C2CD3: variants seen among roughly 807,000 people sequenced by gnomAD.
C2CD3 encodes the protein C2 domain containing 3 centriole elongation regulator.
Under a neutral mutation model 234.0 loss-of-function variants are expected in C2CD3, and 148 were observed. The observed-to-expected ratio is 0.63, with a 90% CI of 0.55 to 0.72. The LOEUF (loss-of-function observed/expected upper bound fraction) is 0.72, where lower values mean the gene tolerates loss of function less well. Ranked by LOEUF, C2CD3 falls within the 30% of genes least tolerant of loss-of-function variation. The pLI, the probability that C2CD3 is intolerant of heterozygous loss-of-function variation, is 0.00. For missense variants in C2CD3, 2,577 were observed against 2,811.5 expected (o/e 0.92, Z 1.89); for synonymous variants, 1,000 against 1,035.4 (o/e 0.97, Z 0.66).
At position 74,114,009 on chromosome 11, in the gene C2CD3, T is replaced by C. The variant is rs138557559; in HGVS notation, c.1731-117A>G. The stretch of plus-strand genomic sequence containing the variant: ...CAGGACCTCTAGTACTCAGAGGCCC[T>C]ACCTCTTCTTCAAAGCCTTCCACCA... On this transcript the variant is annotated intron_variant, in intron 10 of 32. Coordinates refer to ENST00000334126, the MANE Select transcript of C2CD3 (RefSeq NM_001286577.2). The C allele has an allele frequency of 7.0e-4, 442 of 633,142 alleles. 1 individual carries two copies. The highest frequency in any genetic ancestry group is 6.8e-3 in the African/African-American group (369 of 54,534). The allele number at this position is 633,142 out of a possible 1,614,324, so 39.2% of individuals were successfully genotyped here.
chr11:74,136,716 T>G lies in C2CD3; in HGVS notation c.955+2004A>C, dbSNP rs562208376. ...TCTCTTGCTGCTCCTTTTACCAGTCTGGTTACTTTCCTTAGAAGGAACACA... is the reference window on the plus strand; with the variant it reads ...TCTCTTGCTGCTCCTTTTACCAGTCGGGTTACTTTCCTTAGAAGGAACACA... On this transcript the variant is annotated intron_variant, in intron 5 of 32. Transcript: ENST00000334126. Among the ~76,000 whole-genome samples the G allele has an allele frequency of 3.3e-5, 5 of 152,274 alleles. No individual in the cohort carries two copies. In the East Asian group the frequency reaches 9.6e-4, roughly 29 times the overall value.
At position 74,129,173 on chromosome 11, in the gene C2CD3, A is replaced by G. The variant is rs1219830873; in HGVS notation, c.1217+3671T>C. ...GGACGGGGCGGCTGGCCGGGCGGGG[A>G]GCTGACCCCTCACCTCCCTCCGGGA... is the stretch of plus-strand genomic sequence containing the variant. On this transcript the variant is annotated intron_variant, in intron 7 of 32. Coordinates refer to ENST00000334126, the MANE Select transcript of C2CD3 (RefSeq NM_001286577.2). 2.9e-4 allele frequency: 48 copies of G among 163,942 alleles called. No individual in the cohort carries two copies. The South Asian group carries it at 4.2e-3, about 14-fold the overall frequency. 10.2% of individuals were successfully genotyped at this position (163,942 alleles called of 1,614,324 possible).
chr11:74,041,771 GTTA>G (rs1393906902), intron 29 of C2CD3, among the ~76,000 whole-genome samples: 1 of 152,162 alleles, frequency 6.6e-6, no homozygotes, highest in African/African-American at 2.4e-5. Context: ...TGTGAGGCTG[GTTA>G]TTATTAAGTT....
At chr11:74,042,490 C>T (rs1342223089) in intron 28 of C2CD3, among the ~76,000 whole-genome samples, 2 of 152,244 alleles carry the variant, frequency 1.3e-5, no homozygotes, top group East Asian at 1.9e-4. Flanking sequence ...TGGTGACTCA[C>T]GCCTGTAATC....
chr11:74,032,707 T>TA (rs1765745162), intron 31 of C2CD3, among the ~76,000 whole-genome samples: 2 of 151,868 alleles, frequency 1.3e-5, no homozygotes, highest in South Asian at 4.2e-4. Context: ...CCCCAACTCT[T>TA]AAAAAAAATT....
intron 29 of C2CD3, among the ~76,000 whole-genome samples, chr11:74,039,297 T>C (rs1952898840): frequency 6.6e-6 from 1 of 152,250 alleles, no homozygotes; most frequent in East Asian, 1.9e-4. Flanking sequence ...ATACTTGCTC[T>C]GCAGGCCTGA....
chr11:74,150,492 CAAAAAAAAA>C (rs769668218), intron 3 of C2CD3, among the ~76,000 whole-genome samples: 275 of 16,240 alleles, frequency 0.017, 14 homozygotes, highest in African/African-American at 0.068. Flanking sequence ...GACCCTGTCT[CAAAAAAAAA>C]AAAAAAAAAA....
chr11:74,018,597 T>C (rs940478643), intron 32 of C2CD3, among the ~76,000 whole-genome samples: 1 of 152,170 alleles, frequency 6.6e-6, no homozygotes, highest in African/African-American at 2.4e-5. Flanking sequence ...GGGCTCAATA[T>C]AGCTGCCTGC....
chr11:74,045,812 A>G (rs1360310724), intron 28 of C2CD3, among the ~76,000 whole-genome samples: 1 of 152,134 alleles, frequency 6.6e-6, no homozygotes, highest in Admixed American at 6.5e-5. Flanking sequence ...AGCTCAAGCA[A>G]TCCTCTCACC....
chr11:74,047,678 GA>G (rs771234952), intron 28 of C2CD3, among the ~76,000 whole-genome samples: 1 of 152,204 alleles, frequency 6.6e-6, no homozygotes, highest in Non-Finnish European at 1.5e-5. Flanking sequence ...AAAGACATAG[GA>G]AAGACTCTGG....
chr11:74,165,242 T>C (rs540816463), intron 2 of C2CD3, among the ~76,000 whole-genome samples: 1 of 152,236 alleles, frequency 6.6e-6, no homozygotes, highest in African/African-American at 2.4e-5. Context: ...TCTTACTACC[T>C]CTCTCCAGCC....
intron 7 of C2CD3, chr11:74,129,699 G>T (rs1414429078): frequency 4.6e-5 from 8 of 172,522 alleles, no homozygotes; most frequent in Non-Finnish European, 4.8e-5. Context: ...CTGCAATCTC[G>T]GCACTTTGGG....
chr11:74,045,836 G>C (rs1197739274), intron 28 of C2CD3, among the ~76,000 whole-genome samples: 1 of 152,166 alleles, frequency 6.6e-6, no homozygotes, highest in Admixed American at 6.5e-5. Flanking sequence ...GTCTCCCAAA[G>C]TGCTGGAATT....
At position 74,085,815 on chromosome 11, in the gene C2CD3, T is replaced by C; in HGVS notation, c.3713A>G (p.His1238Arg). Residue 1238 changes from histidine to arginine, a missense_variant, in exon 21 of 33, where the codon CAT becomes CGT. His to Arg is a conservative substitution (Grantham distance 29, BLOSUM62 0). Coordinates refer to ENST00000334126, the MANE Select transcript of C2CD3 (RefSeq NM_001286577.2). ...TVGVNASVTTHLSFLPQGEQR... is the reference protein window; with the variant it reads ...TVGVNASVTTRLSFLPQGEQR... ...TTCTCCCTGGGGCAGGAAGGAGAGA[T>C]GAGTGGTGACAGAGGCATTGACCCC... 6.2e-7 allele frequency: 1 copy of C among 1,613,746 alleles called. No homozygotes were observed. Among genetic ancestry groups the C allele is most frequent in the Non-Finnish European group, 8.5e-7 (1 of 1,179,914 alleles).
intron 11 of C2CD3, among the ~76,000 whole-genome samples, chr11:74,111,969 C>T (rs375661773): frequency 6.3e-4 from 53 of 84,468 alleles, no homozygotes; most frequent in African/African-American, 7.4e-4. Context: ...CACACACACA[C>T]ATATATATAT....
chr11:74,048,312 G>A lies in C2CD3; in HGVS notation c.5388C>T (p.Phe1796=). The A allele has an allele frequency of 2.5e-6, 4 of 1,613,692 alleles. No homozygotes were observed. The East Asian group carries it at 6.7e-5, about 27-fold the overall frequency. ...ATGCAGCATACGTATCAGAGGCAGGGAAGGAAAAGGGACTGTATATTGGGA... is the reference window on the plus strand; with the variant it reads ...ATGCAGCATACGTATCAGAGGCAGGAAAGGAAAAGGGACTGTATATTGGGA... The part of the protein sequence containing the change: ...SLIPIYSPFS[F]PASDTYAAFS... Residue 1796 remains phenylalanine (F), a synonymous_variant, in exon 28 of 33, where the codon TTC becomes TTT. Transcript: ENST00000334126.
At chr11:74,058,672 C>T (rs7117831) in intron 24 of C2CD3, among the ~76,000 whole-genome samples, 11,292 of 151,768 alleles carry the variant, frequency 0.074, 1,372 homozygotes, top group African/African-American at 0.26. Context: ...GTGAGAATAC[C>T]TAATGTTAAT....
chr11:74,117,389 T>TATATATATATATATATAG (rs1312118928), intron 9 of C2CD3, among the ~76,000 whole-genome samples: 1 of 127,626 alleles, frequency 7.8e-6, no homozygotes, highest in African/African-American at 3.1e-5. Flanking sequence ...TATATATATA[T>TATATATATATATATATAG]ATGGAATACT....
At chr11:74,084,304 G>C (rs570701707) in intron 22 of C2CD3, among the ~76,000 whole-genome samples, 1 of 152,218 alleles carries the variant, frequency 6.6e-6, no homozygotes, top group South Asian at 2.1e-4. Context: ...GGGGTGGAGG[G>C]CAGGGGGAGG....
Sources: allele counts gnomAD v4.1 joint callset (sites outside exome capture counted in the v4.1 genomes callset), GRCh38; gene constraint gnomAD v4.1.1; transcripts MANE v1.5; gene names NCBI Gene and HGNC (gene_info 2026-07-23, HGNC 2026-07-21).